The following ELAVL2 variants were observed in gnomAD, a reference collection of about 807,000 sequenced individuals.
ELAVL2 encodes ELAV-like protein 2.
A neutral mutation model predicts 34.6 loss-of-function variants in ELAVL2; 4 were observed. The observed-to-expected ratio is 0.12, with a 90% confidence interval of 0.06 to 0.26. The LOEUF is 0.26. ELAVL2 is among the 10% of genes least tolerant of loss of function. ELAVL2 has a pLI of 1.00. For synonymous variants in ELAVL2, 193 were observed against 154.8 expected, an observed-to-expected ratio of 1.25 and a Z score of -1.83; for missense variants, 432 against 442.8, an observed-to-expected ratio of 0.98 and a Z score of 0.22.
intron 1 of ELAVL2, among the ~76,000 whole-genome samples, chr9:23,777,866 AC>A (rs1250474819): frequency 6.6e-6 from 1 of 152,198 alleles, no homozygotes; most frequent in Non-Finnish European, 1.5e-5. Context: ...CTCCTACATT[AC>A]AAATAACCAA....
chr9:23,757,772 T>C (rs182946013), intron 2 of ELAVL2, among the ~76,000 whole-genome samples: 31 of 152,136 alleles, frequency 2.0e-4, no homozygotes, highest in Admixed American at 2.0e-3. Flanking sequence ...AAATAGAACT[T>C]AGTCTAGAGA....
At position 23,692,504 on chromosome 9, in the gene ELAVL2, C is replaced by G; in HGVS notation, c.*53G>C. The G allele has an allele frequency of 6.5e-7, 1 of 1,529,518 alleles. No individual in the cohort carries two copies. Among genetic ancestry groups the G allele is most frequent in the African/African-American group, 1.4e-5 (1 of 72,282 alleles). 94.7% of individuals were successfully genotyped at this position (1,529,518 alleles called of 1,614,324 possible). A position where few individuals can be genotyped will look rare whatever the true frequency, so the allele number is the denominator to read the frequency against. On this transcript the variant is annotated 3_prime_UTR_variant, in exon 7 of 7. Coordinates refer to ENST00000397312, the MANE Select transcript of ELAVL2 (RefSeq NM_004432.5). Reference sequence around the variant, plus strand: ...TACTAATGTATAAAGTTTCTCTTAACTTGCCTTTGTTGTATAGTTTTCATA... The same window carrying G: ...TACTAATGTATAAAGTTTCTCTTAAGTTGCCTTTGTTGTATAGTTTTCATA...
intron 2 of ELAVL2, among the ~76,000 whole-genome samples, chr9:23,759,112 G>A (rs572421124): frequency 1.6e-4 from 24 of 152,064 alleles, no homozygotes; most frequent in African/African-American, 2.6e-4. Context: ...AGGGATGCAC[G>A]CATATCCATA....
chr9:23,725,376 A>C (rs903878068), intron 3 of ELAVL2, among the ~76,000 whole-genome samples: 1 of 152,114 alleles, frequency 6.6e-6, no homozygotes, highest in African/African-American at 2.4e-5. Context: ...TAAAACTTCC[A>C]TGCCCTACTA....
intron 1 of ELAVL2, among the ~76,000 whole-genome samples, chr9:23,767,024 CTGT>C (rs1420118200): frequency 2.0e-5 from 3 of 152,152 alleles, no homozygotes; most frequent in Admixed American, 1.3e-4. Flanking sequence ...GCTTTTCCTC[CTGT>C]TATTATCCAA....
chr9:23,840,976 A>T, the ELAVL2 span, among the ~76,000 whole-genome samples: 1 of 152,286 alleles, frequency 6.6e-6, no homozygotes, highest in East Asian at 1.9e-4. Context: ...CCCACAAGTT[A>T]CTCACCATGA....
intron 3 of ELAVL2, among the ~76,000 whole-genome samples, chr9:23,710,193 T>C (rs897563405): frequency 6.6e-6 from 1 of 152,226 alleles, no homozygotes; most frequent in Non-Finnish European, 1.5e-5. Context: ...TAAAAGCTCA[T>C]TTCTTCATCA....
At chr9:23,726,480 G>C (rs911311671) in intron 3 of ELAVL2, among the ~76,000 whole-genome samples, 18 of 151,988 alleles carry the variant, frequency 1.2e-4, no homozygotes, top group African/African-American at 4.3e-4. Context: ...TGAGGGGTCA[G>C]AACTTACCAA....
chr9:23,826,151 G>T lies in ELAVL2; in HGVS notation c.-361C>A, dbSNP rs532668661. The T allele has an allele frequency of 6.6e-6, 1 of 152,354 alleles. No homozygotes were observed. The highest frequency in any genetic ancestry group is 2.1e-4 in the South Asian group (1 of 4,826). The allele number at this position is 152,354 out of a possible 1,614,324, so 9.4% of individuals were successfully genotyped here. A position where few individuals can be genotyped will look rare whatever the true frequency, so the allele number is the denominator to read the frequency against. The stretch of plus-strand genomic sequence containing the variant: ...AAGAACGTTTTTTCAAAAAGACGAT[G>T]TCTTTCTCCTTGTTGCTTTTTAGTA... On this transcript the variant is annotated 5_prime_UTR_variant, in exon 1 of 7. Transcript: ENST00000397312.
chr9:23,738,444 G>T (rs962118585), intron 2 of ELAVL2, among the ~76,000 whole-genome samples: 2 of 152,184 alleles, frequency 1.3e-5, no homozygotes, highest in African/African-American at 4.8e-5. Flanking sequence ...CAAATTGTGA[G>T]ATGGAGGACT....
chr9:23,833,465 A>G, the ELAVL2 span, among the ~76,000 whole-genome samples: 1 of 151,862 alleles, frequency 6.6e-6, no homozygotes, highest in Non-Finnish European at 1.5e-5. Flanking sequence ...TTGCATACAG[A>G]TGAAAAGATA....
chr9:23,791,125 A>T (rs2060271849), intron 1 of ELAVL2, among the ~76,000 whole-genome samples: 1 of 152,232 alleles, frequency 6.6e-6, no homozygotes, highest in Non-Finnish European at 1.5e-5. Flanking sequence ...TAGAGAAGAA[A>T]TCAATTGTAT....
chr9:23,777,675 T>C (rs1425512932), intron 1 of ELAVL2, among the ~76,000 whole-genome samples: 2 of 152,244 alleles, frequency 1.3e-5, no homozygotes, highest in South Asian at 2.1e-4. Context: ...AAATTAAAAC[T>C]GAAGAAAACT....
chr9:23,761,885 A>G (rs1322335778), intron 2 of ELAVL2, 121 bp downstream of exon 2: 1 of 1,296,060 alleles, frequency 7.7e-7, no homozygotes, highest in East Asian at 2.6e-5. Context: ...GTAATAACAG[A>G]GAGAAAATCT....
chr9:23,787,518 C>A (rs962455961), intron 1 of ELAVL2, among the ~76,000 whole-genome samples: 2 of 151,742 alleles, frequency 1.3e-5, no homozygotes, highest in Admixed American at 6.6e-5. Flanking sequence ...AGGCATGAGC[C>A]ACCACGCCTG....
intron 2 of ELAVL2, among the ~76,000 whole-genome samples, chr9:23,732,917 A>G (rs909709195): frequency 6.6e-6 from 1 of 152,218 alleles, no homozygotes; most frequent in Non-Finnish European, 1.5e-5. Context: ...AGAAAAAATA[A>G]CATGCTTACT....
chr9:23,743,509 T>C (rs2049780443), intron 2 of ELAVL2, among the ~76,000 whole-genome samples: 1 of 152,188 alleles, frequency 6.6e-6, no homozygotes, highest in African/African-American at 2.4e-5. Context: ...AAACGCATTA[T>C]CCTGCCGAAT....
chr9:23,772,380 G>C (rs573800920), intron 1 of ELAVL2, among the ~76,000 whole-genome samples: 1 of 152,026 alleles, frequency 6.6e-6, no homozygotes, highest in South Asian at 2.1e-4. Context: ...GAAGGTTTAT[G>C]GACAAAAATA....
intron 1 of ELAVL2, among the ~76,000 whole-genome samples, chr9:23,777,865 T>C (rs946699800): frequency 3.7e-4 from 57 of 152,272 alleles, no homozygotes; most frequent in African/African-American, 1.3e-3. Context: ...CCTCCTACAT[T>C]ACAAATAACC....
Sources: allele counts gnomAD v4.1 joint callset (sites outside exome capture counted in the v4.1 genomes callset), GRCh38; gene constraint gnomAD v4.1.1; transcripts MANE v1.5; gene names NCBI Gene and HGNC (gene_info 2026-07-23, HGNC 2026-07-21).